Variants in BRINP3 observed in about 807,000 individuals in gnomAD.
BRINP3 encodes the protein BMP/retinoic acid inducible neural specific 3.
Under a neutral mutation model 71.0 loss-of-function variants are expected in BRINP3, and 19 were observed. The ratio of observed to expected loss-of-function variants is 0.27; its 90% CI spans 0.19 to 0.39. The LOEUF (loss-of-function observed/expected upper bound fraction) is 0.39. BRINP3 is among the 10% of genes least tolerant of loss of function. BRINP3 has a pLI of 1.00. For missense variants in BRINP3, 959 were observed against 940.8 expected, an observed-to-expected ratio of 1.02 and a Z score of -0.25; for synonymous variants, 380 against 337.7, an observed-to-expected ratio of 1.13 and a Z score of -1.37.
intron 5 of BRINP3, among the ~76,000 whole-genome samples, chr1:190,234,071 AT>A (rs1658275437): frequency 6.6e-6 from 1 of 152,152 alleles, no homozygotes; most frequent in South Asian, 2.1e-4. Flanking sequence ...AGGCAAGCAT[AT>A]GAAGAAACTG....
intron 2 of BRINP3, among the ~76,000 whole-genome samples, chr1:190,415,796 AG>A (rs748817256): frequency 1.3e-5 from 2 of 152,076 alleles, no homozygotes; most frequent in East Asian, 3.9e-4. Context: ...CCAGCTACTC[AG>A]GAGGCTGAGG....
chr1:190,163,240 A>G (rs190751765), intron 6 of BRINP3, among the ~76,000 whole-genome samples: 4 of 152,210 alleles, frequency 2.6e-5, no homozygotes, highest in Non-Finnish European at 5.9e-5. Context: ...ATAACATTTT[A>G]TCTTATAGGA....
At chr1:190,423,835 T>C (rs1673533576) in intron 2 of BRINP3, among the ~76,000 whole-genome samples, 1 of 151,682 alleles carries the variant, frequency 6.6e-6, no homozygotes, top group Non-Finnish European at 1.5e-5. Flanking sequence ...ACAGTTTTTG[T>C]TTTACATTAC....
intron 2 of BRINP3, among the ~76,000 whole-genome samples, chr1:190,332,356 A>T (rs1667021795): frequency 6.6e-6 from 1 of 152,078 alleles, no homozygotes; most frequent in African/African-American, 2.4e-5. Flanking sequence ...AAGAACTCAT[A>T]TTTGGCTGAA....
chr1:190,310,309 G>A (rs1445579984), intron 2 of BRINP3, among the ~76,000 whole-genome samples: 1 of 151,546 alleles, frequency 6.6e-6, no homozygotes, highest in Non-Finnish European at 1.5e-5. Flanking sequence ...TCATATTCAT[G>A]TTTACTGAAA....
chr1:190,218,488 C>T (rs942544253), intron 6 of BRINP3, among the ~76,000 whole-genome samples: 3 of 151,872 alleles, frequency 2.0e-5, no homozygotes, highest in African/African-American at 7.3e-5. Context: ...TGAGGTAACA[C>T]TGGATGTTAT....
rs539656190 is a variant in BRINP3 at position 190,317,654 on chromosome 1, A to G, written c.237-35904T>C. 2.6e-5 allele frequency among the ~76,000 whole-genome samples: 4 copies of G among 152,216 alleles called. No homozygotes were observed. In the South Asian group the frequency reaches 6.2e-4, roughly 24 times the overall value. ...AAGTCACATTGAAAAAAAAATCACA[A>G]TGAACAATTATCATATTCCAAATAA... On this transcript the variant is annotated intron_variant, in intron 2 of 7. Transcript: ENST00000367462.
At chr1:190,418,549 T>G (rs867352642) in intron 2 of BRINP3, among the ~76,000 whole-genome samples, 24 of 152,328 alleles carry the variant, frequency 1.6e-4, no homozygotes, top group Non-Finnish European at 1.9e-4. Context: ...TATTCTACTC[T>G]GATCATGATA....
intron 2 of BRINP3, among the ~76,000 whole-genome samples, chr1:190,368,678 G>T (rs1007286572): frequency 1.3e-5 from 2 of 152,118 alleles, no homozygotes; most frequent in African/African-American, 4.8e-5. Flanking sequence ...AAACCTCTGT[G>T]ATTTATCAGG....
chr1:190,300,467 G>T (rs1245487611), intron 2 of BRINP3, among the ~76,000 whole-genome samples: 1 of 152,076 alleles, frequency 6.6e-6, no homozygotes, highest in Non-Finnish European at 1.5e-5. Context: ...CTCCACCTCT[G>T]GGGGCAGGGC....
chr1:190,320,896 A>G (rs879343138), intron 2 of BRINP3, among the ~76,000 whole-genome samples: 1 of 152,234 alleles, frequency 6.6e-6, no homozygotes, highest in East Asian at 1.9e-4. Context: ...CAACATTTTC[A>G]TGAAACAATA....
At chr1:190,167,194 AT>A (rs1651632728) in intron 6 of BRINP3, among the ~76,000 whole-genome samples, 1 of 152,052 alleles carries the variant, frequency 6.6e-6, no homozygotes, top group Non-Finnish European at 1.5e-5. Context: ...TGTTTGTCTT[AT>A]TTACATCAAA....
At chr1:190,237,097 A>G (rs1658597338) in intron 4 of BRINP3, among the ~76,000 whole-genome samples, 2 of 151,934 alleles carry the variant, frequency 1.3e-5, no homozygotes, top group Admixed American at 1.3e-4. Flanking sequence ...AATAATAGAC[A>G]TACGTTTTGA....
intron 6 of BRINP3, among the ~76,000 whole-genome samples, chr1:190,186,560 G>T (rs895209586): frequency 5.3e-5 from 8 of 152,174 alleles, no homozygotes; most frequent in Non-Finnish European, 8.8e-5. Context: ...AAACATAAAG[G>T]TTCTTCTTGG....
intron 7 of BRINP3, chr1:190,153,996 C>T: frequency 4.2e-6 from 3 of 707,414 alleles, no homozygotes; most frequent in African/African-American, 1.9e-5. Context: ...AATAACAGTA[C>T]AACATAAACA....
At chr1:190,348,268 C>T (rs1465801624) in intron 2 of BRINP3, among the ~76,000 whole-genome samples, 1 of 151,966 alleles carries the variant, frequency 6.6e-6, no homozygotes, top group Non-Finnish European at 1.5e-5. Flanking sequence ...TCCTTTTTGG[C>T]CTGAAGACTT....
rs773914424 is a variant in BRINP3 at position 190,440,289 on chromosome 1, C to T, written c.236+14366G>A. On this transcript the variant is annotated intron_variant, in intron 2 of 7. Transcript: ENST00000367462. ...GACTTATCTTGAAAAAAATTACACA[C>T]GAATTTTAGAAATTAGAAAAATTTG... Among the ~76,000 whole-genome samples the T allele has an allele frequency of 3.3e-5, 5 of 151,758 alleles. No individual in the cohort carries two copies. The South Asian group carries it at 6.2e-4, about 19-fold the overall frequency.
At chr1:190,422,622 G>A (rs1252178233) in intron 2 of BRINP3, among the ~76,000 whole-genome samples, 1 of 151,700 alleles carries the variant, frequency 6.6e-6, no homozygotes, top group African/African-American at 2.4e-5. Context: ...ATTTATAAGG[G>A]ATGATTTTTC....
intron 6 of BRINP3, among the ~76,000 whole-genome samples, chr1:190,217,522 G>GAATAAAAA (rs1200730773): frequency 1.3e-5 from 2 of 151,874 alleles, no homozygotes; most frequent in Non-Finnish European, 2.9e-5. Flanking sequence ...TGAATAAAAT[G>GAATAAAAA]TTTGGGTTCA....
Sources: allele counts gnomAD v4.1 joint callset (sites outside exome capture counted in the v4.1 genomes callset), GRCh38; gene constraint gnomAD v4.1.1; transcripts MANE v1.5; gene names NCBI Gene and HGNC (gene_info 2026-07-23, HGNC 2026-07-21).